Variants in DDR2 observed in about 807,000 individuals in gnomAD.
DDR2 encodes the protein discoidin domain-containing receptor 2.
Under a neutral mutation model 94.9 loss-of-function variants are expected in DDR2, and 27 were observed. The ratio of observed to expected loss-of-function variants is 0.28; its 90% CI spans 0.21 to 0.39. DDR2 has a LOEUF of 0.39. Among genes scored for constraint, DDR2 ranks in the 10% least tolerant of loss-of-function variants. DDR2 has a pLI of 1.00. For missense variants in DDR2, 783 were observed against 1,076.0 expected (o/e 0.73, Z 3.81); for synonymous variants, 382 against 377.2 (o/e 1.01, Z -0.15).
At chr1:162,775,500 C>G (rs1647483633) in intron 14 of DDR2, 152 bp from the exon 15 acceptor site, 1 of 737,934 alleles carries the variant, frequency 1.4e-6, no homozygotes. Context: ...TGAGACAGAT[C>G]CAGGTGTCAA....
At chr1:162,681,623 T>C (rs746102522) in intron 2 of DDR2, among the ~76,000 whole-genome samples, 3 of 152,178 alleles carry the variant, frequency 2.0e-5, no homozygotes, top group Non-Finnish European at 4.4e-5. Context: ...TTAGGCCTGC[T>C]TGCTGGTTCA....
rs1571295076 is a variant in DDR2, at chr1:162,754,759, A to C, written c.321A>C (p.Ala107=). 2 of 1,614,124 alleles carry C rather than the reference A, an allele frequency of 1.2e-6. No individual in the cohort carries two copies. Among genetic ancestry groups the C allele is most frequent in the East Asian group, 2.2e-5 (1 of 44,858 alleles). ...TGGTGGGGACCCAGGGGCGCCATGC[A>C]GGAGGTCATGGCATCGAGTTTGCCC... is the stretch of plus-strand genomic sequence containing the variant. The part of the protein sequence containing the change: ...ITLVGTQGRH[A]GGHGIEFAPM... The change falls in exon 5 of 18, where the codon GCA becomes GCC. Residue 107 remains alanine (A), a synonymous_variant. Coordinates refer to ENST00000367921, the MANE Select transcript of DDR2 (RefSeq NM_006182.4).
At chr1:162,750,385 C>T (rs559574238) in intron 3 of DDR2, among the ~76,000 whole-genome samples, 1 of 152,210 alleles carries the variant, frequency 6.6e-6, no homozygotes, top group African/African-American at 2.4e-5. Context: ...GAGTGAACTC[C>T]CATTCACAAT....
At chr1:162,715,684 G>A (rs1043743323) in intron 2 of DDR2, among the ~76,000 whole-genome samples, 1 of 152,220 alleles carries the variant, frequency 6.6e-6, no homozygotes, top group African/African-American at 2.4e-5. Context: ...TCACCTATCA[G>A]GTGTGTAACC....
chr1:162,681,543 G>A (rs548526435), intron 2 of DDR2, among the ~76,000 whole-genome samples: 6 of 152,282 alleles, frequency 3.9e-5, no homozygotes, highest in African/African-American at 1.4e-4. Context: ...ATAATTAAGA[G>A]AAATTTATTT....
At chr1:162,779,976 C>T (rs1383872634) in intron 17 of DDR2, 136 bp from the exon 18 acceptor site, 2 of 1,274,856 alleles carry the variant, frequency 1.6e-6, no homozygotes, top group African/African-American at 2.9e-5. Flanking sequence ...GACACTACAC[C>T]CATTTCAGTT....
chr1:162,733,509 C>T (rs1043152103), intron 3 of DDR2, among the ~76,000 whole-genome samples: 8 of 152,172 alleles, frequency 5.3e-5, no homozygotes, highest in Non-Finnish European at 1.2e-4. Flanking sequence ...CACTGAGAAA[C>T]TTTGCCTATT....
chr1:162,748,229 C>T (rs553623060), intron 3 of DDR2, among the ~76,000 whole-genome samples: 440 of 152,268 alleles, frequency 2.9e-3, no homozygotes, highest in Non-Finnish European at 4.5e-3. Context: ...AGTCAAGACC[C>T]ATCAGTGTGC....
rs561411364 is a variant in DDR2 at position 162,786,139 on chromosome 1, G to A, written c.*5893G>A. ...AGGTAATCACTTTCAGTGAAAAACT[G>A]TTTTCTTGAAAACAGGCTTGGACAC... is the stretch of plus-strand genomic sequence containing the variant. On this transcript the variant is annotated 3_prime_UTR_variant, in exon 18 of 18. Transcript: ENST00000367921. The A allele has an allele frequency of 6.6e-6, 1 of 152,324 alleles. No homozygotes were observed. The highest frequency in any genetic ancestry group is 1.5e-5 in the Non-Finnish European group (1 of 68,016). 9.4% of individuals were successfully genotyped at this position (152,324 alleles called of 1,614,324 possible). A position where few individuals can be genotyped will look rare whatever the true frequency, so the allele number is the denominator to read the frequency against.
In DDR2 at chr1:162,780,301, C is replaced by T. The variant is rs1187690203; in HGVS notation, c.*55C>T. ...GCTCAGGTCCTCCCTACAAGACCTA[C>T]CACTCACCCATGCCTATGCCACTCC... is the stretch of plus-strand genomic sequence containing the variant. On this transcript the variant is annotated 3_prime_UTR_variant, in exon 18 of 18. Transcript: ENST00000367921. 6 of 1,611,828 alleles carry T rather than the reference C, an allele frequency of 3.7e-6. No individual in the cohort carries two copies. In the Admixed American group the frequency reaches 6.7e-5, roughly 18 times the overall value.
At chr1:162,774,795 C>A (rs1647435145) in intron 14 of DDR2, among the ~76,000 whole-genome samples, 1 of 152,086 alleles carries the variant, frequency 6.6e-6, no homozygotes. Context: ...GCCATGGAAA[C>A]CCCTGGTTTG....
intron 2 of DDR2, among the ~76,000 whole-genome samples, chr1:162,660,513 T>C (rs967450057): frequency 6.6e-6 from 1 of 152,212 alleles, no homozygotes; most frequent in Non-Finnish European, 1.5e-5. Flanking sequence ...TCAGAATCTG[T>C]AATTTGATTG....
At position 162,780,292 on chromosome 1, in the gene DDR2, C is replaced by G. The variant is rs1427721019; in HGVS notation, c.*46C>G. 1 of 1,612,980 alleles carries G rather than the reference C, an allele frequency of 6.2e-7. No homozygotes were observed. The highest frequency in any genetic ancestry group is 8.5e-7 in the Non-Finnish European group (1 of 1,179,436). On this transcript the variant is annotated 3_prime_UTR_variant, in exon 18 of 18. Coordinates refer to ENST00000367921, the MANE Select transcript of DDR2 (RefSeq NM_006182.4). The stretch of plus-strand genomic sequence containing the variant: ...GTTCCTACGGCTCAGGTCCTCCCTA[C>G]AAGACCTACCACTCACCCATGCCTA...
intron 2 of DDR2, among the ~76,000 whole-genome samples, chr1:162,689,016 A>C (rs557856702): frequency 6.6e-6 from 1 of 152,236 alleles, no homozygotes; most frequent in Admixed American, 6.5e-5. Flanking sequence ...TTGTTGTGTG[A>C]CTTAGGTTCT....
At chr1:162,753,452 G>T (rs1663310998) in intron 4 of DDR2, among the ~76,000 whole-genome samples, 2 of 152,186 alleles carry the variant, frequency 1.3e-5, no homozygotes, top group Admixed American at 6.5e-5. Context: ...ACAGTGAATG[G>T]GTTCATTGAT....
rs745687175 is a variant in DDR2 at position 162,770,485 on chromosome 1, G to A, written c.1477G>A (p.Glu493Lys). The change falls in exon 12 of 18, where the codon GAA becomes AAA. Residue 493 changes from glutamate to lysine, a missense_variant. Transcript: ENST00000367921. ...ATCCAGGCTGATACGAAAACTCCCA[G>A]AATTTGCTCCAGGGGAGGAGGAGTC... ...EPSRLIRKLPEFAPGEEESGC... is the reference protein window; with the variant it reads ...EPSRLIRKLPKFAPGEEESGC... 6.2e-7 allele frequency: 1 copy of A among 1,614,126 alleles called. No homozygotes were observed. The highest frequency in any genetic ancestry group is 8.5e-7 in the Non-Finnish European group (1 of 1,180,036).
chr1:162,739,642 C>T (rs1429801224), intron 3 of DDR2, among the ~76,000 whole-genome samples: 2 of 152,054 alleles, frequency 1.3e-5, no homozygotes, highest in Admixed American at 1.3e-4. Context: ...TTGATGGGCA[C>T]CTAGGCTGAT....
intron 2 of DDR2, among the ~76,000 whole-genome samples, chr1:162,661,187 T>G (rs961896148): frequency 1.4e-4 from 22 of 152,274 alleles, no homozygotes; most frequent in African/African-American, 4.8e-4. Flanking sequence ...AATATGTCCC[T>G]CCTCAAAGAA....
At chr1:162,704,485 A>G (rs1361184403) in intron 2 of DDR2, among the ~76,000 whole-genome samples, 1 of 152,240 alleles carries the variant, frequency 6.6e-6, no homozygotes, top group African/African-American at 2.4e-5. Flanking sequence ...TAATAAAAAA[A>G]AGATAGTCCA....
Sources: gnomAD v4.1 joint callset for allele counts (sites outside exome capture counted in the v4.1 genomes callset) on GRCh38, gnomAD v4.1.1 for gene constraint, MANE v1.5 for transcripts, NCBI Gene and HGNC (gene_info 2026-07-23, HGNC 2026-07-21) for gene names.